The following SPEN variants were observed in gnomAD, a reference collection of about 807,000 sequenced individuals.
SPEN encodes msx2-interacting protein.
Under a neutral mutation model 269.9 loss-of-function variants are expected in SPEN, and 18 were observed. The ratio of observed to expected loss-of-function variants is 0.07; its 90% CI spans 0.05 to 0.10. The LOEUF is 0.10. Among genes scored for constraint, SPEN ranks in the 10% least tolerant of loss-of-function variants. The pLI is 1.00. For synonymous variants in SPEN, 1,726 were observed against 1,765.7 expected, an observed-to-expected ratio of 0.98 and a Z score of 0.56; for missense variants, 3,822 against 4,631.2, an observed-to-expected ratio of 0.83 and a Z score of 5.07.
intron 10 of SPEN, among the ~76,000 whole-genome samples, chr1:15,927,238 C>T (rs530486023): frequency 9.2e-5 from 14 of 152,184 alleles, no homozygotes; most frequent in Non-Finnish European, 1.3e-4. Context: ...TGGAGGAGTT[C>T]TCTCATGGTG....
rs751477102 is a variant in SPEN, at chr1:15,848,127, G to A, written c.60G>A (p.Glu20=). Residue 20 remains glutamate (E), a synonymous_variant, in exon 1 of 15, where the codon GAG becomes GAA. Coordinates refer to ENST00000375759, the MANE Select transcript of SPEN (RefSeq NM_015001.3). This position sits in a 1 kb window ranked among gnomAD's most constrained non-coding sequence, Gnocchi z 5.1. Reference sequence around the variant, plus strand: ...ACTTACCCGAGAACGTGCGGGAAGAGAAGATCATCGAGCATTTCAAACGGT... The same window carrying A: ...ACTTACCCGAGAACGTGCGGGAAGAAAAGATCATCGAGCATTTCAAACGGT... ...VGNLPENVRE[E]KIIEHFKRYG... 3 of 1,498,900 alleles carry A rather than the reference G, an allele frequency of 2.0e-6. No homozygotes were observed. In the South Asian group the frequency reaches 3.7e-5, roughly 19 times the overall value. The allele number at this position is 1,498,900 out of a possible 1,614,324, so 92.9% of individuals were successfully genotyped here.
chr1:15,921,200 G>A (rs1284853187), intron 9 of SPEN, among the ~76,000 whole-genome samples: 5 of 152,102 alleles, frequency 3.3e-5, no homozygotes, highest in Non-Finnish European at 7.4e-5. Flanking sequence ...TTGGTGGCGC[G>A]TGCCTGTTAA....
chr1:15,878,793 T>G (rs2070657281), intron 3 of SPEN, among the ~76,000 whole-genome samples: 1 of 152,080 alleles, frequency 6.6e-6, no homozygotes, highest in Non-Finnish European at 1.5e-5. Context: ...GTGGATCACC[T>G]GAGGCAAGGA....
chr1:15,869,303 C>T (rs1441395826), intron 1 of SPEN, among the ~76,000 whole-genome samples: 1 of 152,092 alleles, frequency 6.6e-6, no homozygotes, highest in Non-Finnish European at 1.5e-5. Flanking sequence ...CATCTGCCTG[C>T]CTTGGCCCTC....
chr1:15,923,453 G>A (rs1367118008), intron 10 of SPEN, among the ~76,000 whole-genome samples: 1 of 152,088 alleles, frequency 6.6e-6, no homozygotes, highest in East Asian at 1.9e-4. Flanking sequence ...TAGACAAAAG[G>A]TTTGTGTGAA....
In SPEN at chr1:15,890,395, C is replaced by T. The variant is rs567176682; in HGVS notation, c.881+13717C>T. Among the ~76,000 whole-genome samples the T allele has an allele frequency of 6.1e-4, 93 of 151,918 alleles. No homozygotes were observed. In the Middle Eastern group the frequency reaches 0.01, roughly 17 times the overall value. Reference sequence around the variant, plus strand: ...TACAGGCACGCACCACCACACCCAGCTAATTTTTGTATTCTTAGTAGAGAC... The same window carrying T: ...TACAGGCACGCACCACCACACCCAGTTAATTTTTGTATTCTTAGTAGAGAC... On this transcript the variant is annotated intron_variant, in intron 3 of 14. Coordinates refer to ENST00000375759, the MANE Select transcript of SPEN (RefSeq NM_015001.3).
chr1:15,918,906 G>A lies in SPEN; in HGVS notation c.1396-20G>A. On this transcript the variant is annotated intron_variant, in intron 6 of 14. Transcript: ENST00000375759. ...ATTTTCTTGGGCATATTGCTAAGTT[G>A]TATTCATTGGTTTTTTCAGGATATT... 1 of 1,596,436 alleles carries A rather than the reference G, an allele frequency of 6.3e-7. No individual in the cohort carries two copies. The highest frequency in any genetic ancestry group is 8.5e-7 in the Non-Finnish European group (1 of 1,172,472).
chr1:15,931,677 G>A lies in SPEN; in HGVS notation c.5437G>A (p.Ala1813Thr). Reference protein sequence around the residue: ...EDLEVDPPVAAKDKKPNKSKR... With the variant: ...EDLEVDPPVATKDKKPNKSKR... ...TTTAGAGGTTGATCCTCCAGTTGCTGCAAAGGATAAAAAGCCAAACAAAAG... is the reference window on the plus strand; with the variant it reads ...TTTAGAGGTTGATCCTCCAGTTGCTACAAAGGATAAAAAGCCAAACAAAAG... The change falls in exon 11 of 15, where the codon GCA (alanine) becomes ACA (threonine). Residue 1813 changes from alanine to threonine, a missense_variant. This residue lies in a region of SPEN where 533 missense variants were observed against 618.8 expected (regional missense o/e 0.86). Coordinates refer to ENST00000375759, the MANE Select transcript of SPEN (RefSeq NM_015001.3). This position sits in a 1 kb window ranked among gnomAD's most constrained non-coding sequence, Gnocchi z 4.8. 2 of 1,614,162 alleles carry A rather than the reference G, an allele frequency of 1.2e-6. No individual in the cohort carries two copies. The highest frequency in any genetic ancestry group is 1.6e-4 in the Middle Eastern group (1 of 6,062).
intron 3 of SPEN, among the ~76,000 whole-genome samples, chr1:15,888,293 A>G (rs918357698): frequency 6.6e-6 from 1 of 151,222 alleles, no homozygotes; most frequent in East Asian, 2.0e-4. Context: ...TTGACTTGGA[A>G]GCAAACTATG....
chr1:15,855,946 A>G (rs2070381915), intron 1 of SPEN, among the ~76,000 whole-genome samples: 1 of 151,870 alleles, frequency 6.6e-6, no homozygotes, highest in Non-Finnish European at 1.5e-5. Context: ...ATTAAAAGAT[A>G]AAAGAGTAAT....
intron 10 of SPEN, among the ~76,000 whole-genome samples, chr1:15,922,601 A>AC (rs1243789643): frequency 1.1e-4 from 17 of 152,044 alleles, no homozygotes; most frequent in Middle Eastern, 3.4e-3. Flanking sequence ...TGAAAGAGTT[A>AC]CTGTTTTGCC....
In SPEN at chr1:15,932,207, T is replaced by C; in HGVS notation, c.5967T>C (p.Thr1989=). 1 of 1,612,706 alleles carries C rather than the reference T, an allele frequency of 6.2e-7. No homozygotes were observed. Among genetic ancestry groups the C allele is most frequent in the Non-Finnish European group, 8.5e-7 (1 of 1,179,600 alleles). ...EGWRSPRSQK[T]AAGGGPQGKK... ...GGCGGTCGCCAAGGTCCCAGAAAACTGCAGCTGGTGGTGGACCCCAAGGGA... is the reference window on the plus strand; with the variant it reads ...GGCGGTCGCCAAGGTCCCAGAAAACCGCAGCTGGTGGTGGACCCCAAGGGA... Residue 1989 remains threonine, a synonymous_variant, in exon 11 of 15, where the codon ACT becomes ACC. Coordinates refer to ENST00000375759, the MANE Select transcript of SPEN (RefSeq NM_015001.3). This position sits in a 1 kb window ranked among gnomAD's most constrained non-coding sequence, Gnocchi z 4.2.
rs1461105469 is a variant in SPEN, at chr1:15,848,753, G to T, written c.83+603G>T. Among the ~76,000 whole-genome samples, 1 of 152,188 alleles carries T rather than the reference G, an allele frequency of 6.6e-6. No homozygotes were observed. The highest frequency in any genetic ancestry group is 1.5e-5 in the Non-Finnish European group (1 of 68,034). On this transcript the variant is annotated intron_variant, in intron 1 of 14. Coordinates refer to ENST00000375759, the MANE Select transcript of SPEN (RefSeq NM_015001.3). The surrounding 1 kb of genome is among the most constrained non-coding windows in gnomAD (Gnocchi z 5.1). ...TTGAAACTCACTGGGAATGGCAAAC[G>T]TTTCTCGTTTTTGCGGGGCTGGGTG...
intron 1 of SPEN, among the ~76,000 whole-genome samples, chr1:15,863,631 A>G (rs1449954437): frequency 2.6e-5 from 4 of 152,168 alleles, no homozygotes; most frequent in Non-Finnish European, 5.9e-5. Context: ...GCTTGAGTCC[A>G]GGAATTGGAG....
At chr1:15,909,165 C>G (rs939934999) in intron 3 of SPEN, among the ~76,000 whole-genome samples, 156 bp from the exon 4 acceptor site, 4 of 152,128 alleles carry the variant, frequency 2.6e-5, no homozygotes, top group Non-Finnish European at 4.4e-5. Context: ...TCTGCCACCT[C>G]TGAAGGTAGA....
In SPEN at chr1:15,932,942, A is replaced by G; in HGVS notation, c.6702A>G (p.Pro2234=). The stretch of plus-strand genomic sequence containing the variant: ...TTTCTGGGGAGCCAGAAAACTTCCC[A>G]GCACCTCCACCTTATCCTGGAGAAT... The part of the protein sequence containing the change: ...NDISGEPENF[P]APPPYPGESQ... Residue 2234 remains proline (P), a synonymous_variant, in exon 11 of 15, where the codon CCA becomes CCG. Coordinates refer to ENST00000375759, the MANE Select transcript of SPEN (RefSeq NM_015001.3). The surrounding 1 kb of genome is among the most constrained non-coding windows in gnomAD (Gnocchi z 4.2). 6.2e-7 allele frequency: 1 copy of G among 1,614,194 alleles called. No individual in the cohort carries two copies. Among genetic ancestry groups the G allele is most frequent in the Non-Finnish European group, 8.5e-7 (1 of 1,180,014 alleles).
intron 3 of SPEN, among the ~76,000 whole-genome samples, chr1:15,901,102 G>C (rs1254372153): frequency 1.3e-5 from 2 of 151,662 alleles, no homozygotes. Flanking sequence ...TGTAGTTCCA[G>C]CTTCTTCTAG....
chr1:15,888,520 C>G (rs758641103), intron 3 of SPEN, among the ~76,000 whole-genome samples: 1 of 151,806 alleles, frequency 6.6e-6, no homozygotes, highest in Non-Finnish European at 1.5e-5. Context: ...GACAGGGTTT[C>G]GCCATATTGG....
In SPEN at chr1:15,929,980, G is replaced by T. The variant is rs1414686555; in HGVS notation, c.3740G>T (p.Ser1247Ile). The T allele has an allele frequency of 3.1e-6, 5 of 1,614,158 alleles. No homozygotes were observed. The highest frequency in any genetic ancestry group is 4.2e-6 in the Non-Finnish European group (5 of 1,180,044). ...ICTKRERNYRSSRQISEDSER... is the reference protein window; with the variant it reads ...ICTKRERNYRISRQISEDSER... ...ACCAAGCGAGAACGGAATTACAGAAGTTCACGCCAAATCAGCGAAGATTCT... is the reference window on the plus strand; with the variant it reads ...ACCAAGCGAGAACGGAATTACAGAATTTCACGCCAAATCAGCGAAGATTCT... The change falls in exon 11 of 15, where the codon AGT (serine) becomes ATT (isoleucine). Residue 1247 changes from serine to isoleucine, a missense_variant. Ser to Ile is a moderately radical substitution (Grantham distance 142). This residue lies in a region of SPEN where 267 missense variants were observed against 315.5 expected (regional missense o/e 0.85). Transcript: ENST00000375759. The surrounding 1 kb of genome is among the most constrained non-coding windows in gnomAD (Gnocchi z 5.8).
Sources: gnomAD v4.1 joint callset for allele counts (sites outside exome capture counted in the v4.1 genomes callset) on GRCh38, gnomAD v4.1.1 for gene constraint, gnomAD v4.1.1 regional missense constraint, Gnocchi (gnomAD v3.1) non-coding constraint, MANE v1.5 for transcripts, NCBI Gene and HGNC (gene_info 2026-07-23, HGNC 2026-07-21) for gene names.